MLIP: variants seen among roughly 807,000 people sequenced by gnomAD.
MLIP encodes the protein muscular LMNA interacting protein, also known as muscular LMNA-interacting protein.
MLIP carries 79 observed loss-of-function variants against 84.8 expected under a neutral mutation model. The ratio of observed to expected loss-of-function variants is 0.93; its 90% confidence interval spans 0.78 to 1.12. The LOEUF (loss-of-function observed/expected upper bound fraction) is 1.12, where lower values mean the gene tolerates loss of function less well. Ranked by LOEUF, MLIP falls within the 50% of genes most tolerant of loss-of-function variation. MLIP has a pLI of 0.00. For missense variants in MLIP, 1,257 were observed against 1,160.6 expected (o/e 1.08, Z -1.21); for synonymous variants, 504 against 463.0 (o/e 1.09, Z -1.14).
At chr6:54,088,647 A>G (rs908824710) in intron 1 of MLIP, among the ~76,000 whole-genome samples, 7 of 152,208 alleles carry the variant, frequency 4.6e-5, no homozygotes, top group African/African-American at 1.7e-4. Flanking sequence ...ATAAAAAGCC[A>G]CAATGCTTGA....
chr6:54,106,091 G>T (rs544863270), intron 1 of MLIP, among the ~76,000 whole-genome samples: 7 of 152,294 alleles, frequency 4.6e-5, no homozygotes, highest in Admixed American at 4.6e-4. Flanking sequence ...GTGCTCCCAG[G>T]AGCAATACCT....
At chr6:54,172,413 G>T (rs538078118) in intron 9 of MLIP, among the ~76,000 whole-genome samples, 30 of 151,590 alleles carry the variant, frequency 2.0e-4, no homozygotes, top group Non-Finnish European at 3.8e-4. Context: ...AGTCACTGGG[G>T]TGCGAAGAGT....
At chr6:54,121,344 C>A in intron 1 of MLIP, 103 bp from the exon 2 acceptor site, 1 of 1,202,594 alleles carries the variant, frequency 8.3e-7, no homozygotes, top group Non-Finnish European at 1.2e-6. Context: ...GGACAATAGG[C>A]AATTCATCAA....
intron 2 of MLIP, 64 bp downstream of exon 2, chr6:54,121,666 T>C: frequency 8.0e-7 from 1 of 1,253,332 alleles, no homozygotes; most frequent in Non-Finnish European, 1.1e-6. Flanking sequence ...AATGATGACT[T>C]GGAAATTTGT....
chr6:54,123,143 G>A (rs899819280), intron 2 of MLIP, among the ~76,000 whole-genome samples: 13 of 148,464 alleles, frequency 8.8e-5, no homozygotes, highest in Non-Finnish European at 1.6e-4. Flanking sequence ...AACCTTGTTA[G>A]CCAGGATGAT....
At chr6:54,060,683 A>G (rs1181191795) in intron 1 of MLIP, among the ~76,000 whole-genome samples, 1 of 152,232 alleles carries the variant, frequency 6.6e-6, no homozygotes, top group Non-Finnish European at 1.5e-5. Context: ...GGTTACATAA[A>G]TAATTGTTCT....
At chr6:54,047,646 C>T (rs984219335) in intron 1 of MLIP, 1 of 152,136 alleles carries the variant, frequency 6.6e-6, no homozygotes, top group African/African-American at 2.4e-5. Context: ...GCTGACCTAT[C>T]GACGTGATGT....
chr6:54,094,507 T>C (rs1167955413), intron 1 of MLIP, among the ~76,000 whole-genome samples: 1 of 152,152 alleles, frequency 6.6e-6, no homozygotes, highest in Non-Finnish European at 1.5e-5. Context: ...AAGCTCTTAC[T>C]TGTGTGGGGC....
chr6:54,059,328 T>C (rs759243731), intron 1 of MLIP, among the ~76,000 whole-genome samples: 33 of 152,202 alleles, frequency 2.2e-4, no homozygotes, highest in Admixed American at 3.9e-4. Flanking sequence ...TTTGTCTTTG[T>C]GTATGTAGAT....
At chr6:54,050,773 GTAT>G (rs367753542) in intron 1 of MLIP, among the ~76,000 whole-genome samples, 18 of 152,172 alleles carry the variant, frequency 1.2e-4, no homozygotes, top group African/African-American at 4.1e-4. Flanking sequence ...GGGCATCATG[GTAT>G]TATTCCCCTA....
At chr6:54,254,625 C>T (rs1210735436) in intron 12 of MLIP, among the ~76,000 whole-genome samples, 1 of 152,042 alleles carries the variant, frequency 6.6e-6, no homozygotes, top group South Asian at 2.1e-4. Context: ...AACATATCTA[C>T]CCTCTGCTTC....
At chr6:54,026,346 A>C (rs1430073521) in intron 1 of MLIP, among the ~76,000 whole-genome samples, 1 of 152,246 alleles carries the variant, frequency 6.6e-6, no homozygotes, top group Admixed American at 6.5e-5. Flanking sequence ...AGTAAATAGT[A>C]ACCGTGAATC....
upstream of MLIP, among the ~76,000 whole-genome samples, chr6:54,107,218 A>G (rs1335371813): frequency 6.6e-6 from 1 of 152,176 alleles, no homozygotes; most frequent in African/African-American, 2.4e-5. Flanking sequence ...TATCTTTTTA[A>G]ACTAGGAGGA....
At chr6:54,048,950 TAGAG>T (rs776884016) in intron 1 of MLIP, among the ~76,000 whole-genome samples, 5 of 152,180 alleles carry the variant, frequency 3.3e-5, no homozygotes, top group East Asian at 1.9e-4. Flanking sequence ...AAGTCAGAGA[TAGAG>T]AGAGTTGGTG....
chr6:54,158,796 G>A (rs1301516195), intron 5 of MLIP, among the ~76,000 whole-genome samples: 1 of 152,048 alleles, frequency 6.6e-6, no homozygotes, highest in Non-Finnish European at 1.5e-5. Flanking sequence ...GCTCTGGTAA[G>A]AGAGAACTGG....
chr6:54,077,682 G>A (rs527642518), intron 1 of MLIP, among the ~76,000 whole-genome samples: 1 of 152,314 alleles, frequency 6.6e-6, no homozygotes, highest in African/African-American at 2.4e-5. Flanking sequence ...CAGATGCCAT[G>A]TGTCAGTGTG....
intron 10 of MLIP, among the ~76,000 whole-genome samples, chr6:54,191,218 C>T (rs923776879): frequency 1.3e-5 from 2 of 152,020 alleles, no homozygotes; most frequent in African/African-American, 4.8e-5. Context: ...CTGATAATCC[C>T]CTTTTAAAGA....
Position 54,136,697 on chromosome 6 carries a change from T to C in MLIP, c.646-18T>C. On this transcript the variant is annotated intron_variant, in intron 3 of 13. Coordinates refer to ENST00000502396, the MANE Select transcript of MLIP (RefSeq NM_001281747.2). ...AAATAATGTCCTATTTCAATCTGTC[T>C]ATTTCTCTTTCCTCTAGTTAACTTC... The C allele has an allele frequency of 6.9e-7, 1 of 1,455,552 alleles. No individual in the cohort carries two copies. Among genetic ancestry groups the C allele is most frequent in the Non-Finnish European group, 9.1e-7 (1 of 1,103,424 alleles). 90.2% of individuals were successfully genotyped at this position (1,455,552 alleles called of 1,614,324 possible).
At chr6:54,020,058 G>A (rs893814053) in intron 1 of MLIP, among the ~76,000 whole-genome samples, 16 of 152,154 alleles carry the variant, frequency 1.1e-4, no homozygotes, top group African/African-American at 3.9e-4. Flanking sequence ...ACATGTAATG[G>A]CCACAGAGTA....
Sources: allele counts gnomAD v4.1 joint callset (sites outside exome capture counted in the v4.1 genomes callset), GRCh38; gene constraint gnomAD v4.1.1; transcripts MANE v1.5; gene names NCBI Gene and HGNC (gene_info 2026-07-23, HGNC 2026-07-21).